Variants in KIFAP3 observed in about 807,000 individuals in gnomAD.
KIFAP3 encodes kinesin-associated protein 3.
In KIFAP3, 68 loss-of-function variants were observed where a neutral mutation model predicts 106.5. That is an observed-to-expected ratio of 0.64 (90% CI 0.53 to 0.78). The LOEUF is 0.78. Ranked by LOEUF, KIFAP3 falls within the 30% of genes least tolerant of loss-of-function variation. The pLI, the probability that KIFAP3 is intolerant of heterozygous loss-of-function variation, is 0.00. For missense variants in KIFAP3, 780 were observed against 941.8 expected, an observed-to-expected ratio of 0.83 and a Z score of 2.25; for synonymous variants, 320 against 311.5, an observed-to-expected ratio of 1.03 and a Z score of -0.29.
rs183269752 is a variant in KIFAP3, at chr1:169,986,147, T to A, written c.1285-1457A>T. ...AATCCAACACAGCGAATAATAAATATTTATTTATTTTAGACCTCTTTCTGT... is the reference window on the plus strand; with the variant it reads ...AATCCAACACAGCGAATAATAAATAATTATTTATTTTAGACCTCTTTCTGT... On this transcript the variant is annotated intron_variant, in intron 11 of 19. Coordinates refer to ENST00000361580, the MANE Select transcript of KIFAP3 (RefSeq NM_014970.4). Among the ~76,000 whole-genome samples, 3 of 152,028 alleles carry A rather than the reference T, an allele frequency of 2.0e-5. No individual in the cohort carries two copies. In the East Asian group the frequency reaches 5.8e-4, roughly 29 times the overall value.
chr1:170,002,660 T>G (rs1231368389), intron 10 of KIFAP3, among the ~76,000 whole-genome samples: 1 of 152,194 alleles, frequency 6.6e-6, no homozygotes, highest in Non-Finnish European at 1.5e-5. Flanking sequence ...CGTTTATCAC[T>G]GACCAGGGTG....
intron 16 of KIFAP3, among the ~76,000 whole-genome samples, chr1:169,975,134 T>C (rs991958710): frequency 6.6e-6 from 1 of 152,122 alleles, no homozygotes. Flanking sequence ...GAATTTAATC[T>C]ATGGATGGTT....
At chr1:169,978,972 T>C (rs536606473) in intron 15 of KIFAP3, among the ~76,000 whole-genome samples, 4 of 152,216 alleles carry the variant, frequency 2.6e-5, no homozygotes, top group African/African-American at 9.6e-5. Context: ...TTAATTACTA[T>C]CTTGGTATAC....
intron 10 of KIFAP3, among the ~76,000 whole-genome samples, chr1:170,012,909 G>C (rs1371680833): frequency 6.6e-6 from 1 of 152,092 alleles, no homozygotes; most frequent in Non-Finnish European, 1.5e-5. Context: ...TCACTACCAT[G>C]AGAACACTAT....
chr1:170,035,257 G>A (rs1339084868), intron 6 of KIFAP3, among the ~76,000 whole-genome samples, 197 bp downstream of exon 6: 1 of 151,874 alleles, frequency 6.6e-6, no homozygotes, highest in Non-Finnish European at 1.5e-5. Context: ...AGGCATGAGT[G>A]GGTATAGACT....
intron 11 of KIFAP3, among the ~76,000 whole-genome samples, chr1:169,991,089 A>C (rs1667075180): frequency 6.6e-6 from 1 of 152,132 alleles, no homozygotes; most frequent in South Asian, 2.1e-4. Flanking sequence ...TTGCAATCCC[A>C]GCACTTTGGG....
chr1:170,074,517 C>G lies in KIFAP3; in HGVS notation c.-50G>C. ...AGGATGGGGTATCTTGAGAGGCAGG[C>G]GCGGTTATTTCCGGGGACGGTGGCC... On this transcript the variant is annotated 5_prime_UTR_variant, in exon 1 of 20. Coordinates refer to ENST00000361580, the MANE Select transcript of KIFAP3 (RefSeq NM_014970.4). The G allele has an allele frequency of 6.2e-7, 1 of 1,612,654 alleles. No homozygotes were observed. Among genetic ancestry groups the G allele is most frequent in the Non-Finnish European group, 8.5e-7 (1 of 1,179,466 alleles).
chr1:169,921,859 T>C, intron 19 of KIFAP3, 78 bp from the exon 20 acceptor site: 1 of 1,015,578 alleles, frequency 9.8e-7, no homozygotes, highest in Non-Finnish European at 1.5e-6. Flanking sequence ...CCTACATTTT[T>C]ATACCACCAA....
At chr1:170,074,333 C>T in intron 1 of KIFAP3, 103 bp downstream of exon 1, 1 of 1,216,912 alleles carries the variant, frequency 8.2e-7, no homozygotes, top group Non-Finnish European at 1.2e-6. Context: ...CTTCCCATCC[C>T]GTCTGCTAAA....
At position 170,061,433 on chromosome 1, in the gene KIFAP3, T is replaced by C. The variant is rs922190609; in HGVS notation, c.33-5997A>G. Among the ~76,000 whole-genome samples the C allele has an allele frequency of 1.5e-3, 224 of 152,122 alleles. 1 individual carries two copies. Among genetic ancestry groups the C allele is most frequent in the East Asian group, 5.6e-3 (29 of 5,178 alleles). ...AAAAATGCTCATCATCACTGGCCATTAGAGAAATGCAAATCAAAACCACAA... is the reference window on the plus strand; with the variant it reads ...AAAAATGCTCATCATCACTGGCCATCAGAGAAATGCAAATCAAAACCACAA... On this transcript the variant is annotated intron_variant, in intron 1 of 19. Coordinates refer to ENST00000361580, the MANE Select transcript of KIFAP3 (RefSeq NM_014970.4).
rs1302978361 is a variant in KIFAP3, at chr1:170,038,413, T to C, written c.394A>G (p.Ile132Val). 6.2e-7 allele frequency: 1 copy of C among 1,607,328 alleles called. No homozygotes were observed. Among genetic ancestry groups the C allele is most frequent in the Non-Finnish European group, 8.5e-7 (1 of 1,178,470 alleles). The change falls in exon 5 of 20, where the codon ATT becomes GTT. Residue 132 changes from isoleucine (I) to valine (V), a missense_variant. Transcript: ENST00000361580. ...TCAATATATTCATCCATGTCATTAA[T>C]GTTAGCAACTTCATCAATCTGAAAC... is the stretch of plus-strand genomic sequence containing the variant. The part of the protein sequence containing the change: ...EGMEIDEVAN[I>V]NDMDEYIELL...
At chr1:170,053,563 C>A (rs1282814062) in intron 2 of KIFAP3, among the ~76,000 whole-genome samples, 1 of 150,508 alleles carries the variant, frequency 6.6e-6, no homozygotes, top group Non-Finnish European at 1.5e-5. Flanking sequence ...AAAAAAAAAC[C>A]CAAAGCATCA....
At chr1:169,988,149 T>A (rs991518720) in intron 11 of KIFAP3, among the ~76,000 whole-genome samples, 1 of 152,066 alleles carries the variant, frequency 6.6e-6, no homozygotes, top group Non-Finnish European at 1.5e-5. Context: ...ATGTTGTATA[T>A]ATAATCACCC....
chr1:170,073,923 G>A (rs1482096828), intron 1 of KIFAP3, among the ~76,000 whole-genome samples: 2 of 152,072 alleles, frequency 1.3e-5, no homozygotes, highest in East Asian at 3.9e-4. Context: ...ACATGGATGC[G>A]GAAAGCAGAA....
At chr1:169,991,558 T>G (rs551737097) in intron 11 of KIFAP3, among the ~76,000 whole-genome samples, 1 of 152,292 alleles carries the variant, frequency 6.6e-6, no homozygotes, top group South Asian at 2.1e-4. Context: ...TAAAAACTTA[T>G]GTTTTCTTAG....
At chr1:170,001,306 C>T (rs1051247223) in intron 10 of KIFAP3, among the ~76,000 whole-genome samples, 2 of 151,978 alleles carry the variant, frequency 1.3e-5, no homozygotes, top group Non-Finnish European at 2.9e-5. Context: ...ATGCTTTGGC[C>T]AAATTTTACC....
chr1:170,018,083 T>C (rs564300938), intron 9 of KIFAP3, among the ~76,000 whole-genome samples: 2 of 152,344 alleles, frequency 1.3e-5, no homozygotes, highest in East Asian at 3.9e-4. Context: ...TTTTGACTTT[T>C]ACAATTTTAA....
chr1:170,065,973 C>G (rs1449538711), intron 1 of KIFAP3, among the ~76,000 whole-genome samples: 1 of 152,110 alleles, frequency 6.6e-6, no homozygotes, highest in Non-Finnish European at 1.5e-5. Flanking sequence ...TTTGGCCCAA[C>G]TATACTTTGA....
chr1:169,970,123 T>G (rs899894501), intron 17 of KIFAP3, among the ~76,000 whole-genome samples: 9 of 152,004 alleles, frequency 5.9e-5, no homozygotes, highest in African/African-American at 2.2e-4. Flanking sequence ...ATTGCCTTCA[T>G]GGAAGAGAAA....
Sources: allele counts gnomAD v4.1 joint callset (sites outside exome capture counted in the v4.1 genomes callset), GRCh38; gene constraint gnomAD v4.1.1; transcripts MANE v1.5; gene names NCBI Gene and HGNC (gene_info 2026-07-23, HGNC 2026-07-21).